Variants in ZNF503 observed in about 807,000 individuals in gnomAD.
ZNF503 encodes NocA-like zinc finger 2.
In ZNF503, 15 loss-of-function variants were observed where a neutral mutation model predicts 34.4. That is an observed-to-expected ratio of 0.44 (90% CI 0.29 to 0.67). The LOEUF is 0.67. Among genes scored for constraint, ZNF503 ranks in the 30% least tolerant of loss-of-function variants. ZNF503 has a pLI of 0.13. For missense variants in ZNF503, 1,007 were observed against 926.8 expected, an observed-to-expected ratio of 1.09 and a Z score of -1.12; for synonymous variants, 580 against 456.8, an observed-to-expected ratio of 1.27 and a Z score of -3.44.
At chr10:75,343,927 G>A in the ZNF503 span, among the ~76,000 whole-genome samples, 302 of 152,352 alleles carry the variant, frequency 2.0e-3, 1 homozygote, top group African/African-American at 6.8e-3. Context: ...GGCCTCCCAT[G>A]CAGGCAGACT....
rs1400388098 is a variant in ZNF503 at position 75,398,159 on chromosome 10, G to A, written c.*590C>T. The A allele has an allele frequency of 6.8e-6, 1 of 146,278 alleles. No homozygotes were observed. Among genetic ancestry groups the A allele is most frequent in the Non-Finnish European group, 1.5e-5 (1 of 66,732 alleles). The allele number at this position is 146,278 out of a possible 1,614,324, so 9.1% of individuals were successfully genotyped here. On this transcript the variant is annotated 3_prime_UTR_variant, in exon 2 of 2. Coordinates refer to ENST00000372524, the MANE Select transcript of ZNF503 (RefSeq NM_032772.6). ...TGTGACTTTTTTTTTCATTTTTTTT[G>A]TAACAAACATGCATGTAAATTTGTG...
chr10:75,367,270 C>T, the ZNF503 span, among the ~76,000 whole-genome samples: 1 of 152,190 alleles, frequency 6.6e-6, no homozygotes, highest in Non-Finnish European at 1.5e-5. Context: ...TCTGGCTTCT[C>T]TCTCACCAGC....
At chr10:75,325,333 T>A in the ZNF503 span, among the ~76,000 whole-genome samples, 1,923 of 142,752 alleles carry the variant, frequency 0.013, 32 homozygotes, top group African/African-American at 0.05. Context: ...ATATATATTT[T>A]TTTTTTTTTT....
At chr10:75,394,395 C>T (rs947865046), downstream of ZNF503, among the ~76,000 whole-genome samples, 1 of 152,186 alleles carries the variant, frequency 6.6e-6, no homozygotes, top group Non-Finnish European at 1.5e-5. Flanking sequence ...ACTCTAAGCA[C>T]CACCAGGCTG....
chr10:75,286,607 T>C, the ZNF503 span, among the ~76,000 whole-genome samples: 1 of 152,234 alleles, frequency 6.6e-6, no homozygotes, highest in Admixed American at 6.5e-5. Flanking sequence ...TAATGGATTG[T>C]ACCTGCTCGT....
At chr10:75,365,445 C>T in the ZNF503 span, among the ~76,000 whole-genome samples, 15 of 152,308 alleles carry the variant, frequency 9.8e-5, no homozygotes, top group African/African-American at 3.6e-4. Flanking sequence ...CGTGCCCGGC[C>T]CCACTTCAGT....
the ZNF503 span, among the ~76,000 whole-genome samples, chr10:75,355,338 T>A: frequency 5.9e-5 from 9 of 152,338 alleles, no homozygotes; most frequent in East Asian, 1.7e-3. Context: ...CAGATTGGAA[T>A]GGGTAATCGA....
At chr10:75,375,885 A>G in the ZNF503 span, among the ~76,000 whole-genome samples, 1 of 152,202 alleles carries the variant, frequency 6.6e-6, no homozygotes, top group Non-Finnish European at 1.5e-5. Context: ...TAACCTCACT[A>G]TCTGAAATGC....
chr10:75,297,733 G>A, the ZNF503 span, among the ~76,000 whole-genome samples: 2 of 152,130 alleles, frequency 1.3e-5, no homozygotes, highest in Non-Finnish European at 2.9e-5. Context: ...ATTGTGATAT[G>A]AAATACATAC....
At chr10:75,303,287 C>T in the ZNF503 span, among the ~76,000 whole-genome samples, 3 of 152,212 alleles carry the variant, frequency 2.0e-5, no homozygotes, top group East Asian at 5.8e-4. Flanking sequence ...AGAGAAACAA[C>T]TGCATGAGTC....
chr10:75,379,388 A>G, the ZNF503 span, among the ~76,000 whole-genome samples: 1 of 152,332 alleles, frequency 6.6e-6, no homozygotes, highest in South Asian at 2.1e-4. Context: ...TCGGATGGAT[A>G]ATAATGTCAT....
At chr10:75,389,695 A>G in the ZNF503 span, among the ~76,000 whole-genome samples, 2 of 152,130 alleles carry the variant, frequency 1.3e-5, no homozygotes, top group East Asian at 1.9e-4. Context: ...ATGCCACTGC[A>G]CTCCAGTCTG....
In ZNF503 at chr10:75,401,337, G is replaced by GCACCGCCGCCTCCGC. The variant is rs1181893902; in HGVS notation, c.68_82dup (p.Gly23_Gly27dup). On this transcript the variant is annotated inframe_insertion, in exon 1 of 2. Transcript: ENST00000372524. ...GAGCGCGCTGGTCCAGGCAGGGTCT[G>GCACCGCCGCCTCCGC]CACCGCCGCCTCCGCCTCCGCCGCC... The GCACCGCCGCCTCCGC allele has an allele frequency of 8.4e-6, 12 of 1,435,644 alleles. No individual in the cohort carries two copies. The Admixed American group carries it at 2.4e-4, about 29-fold the overall frequency. The allele number at this position is 1,435,644 out of a possible 1,614,324, so 88.9% of individuals were successfully genotyped here.
chr10:75,301,295 C>T, the ZNF503 span, among the ~76,000 whole-genome samples: 1 of 152,084 alleles, frequency 6.6e-6, no homozygotes, highest in Admixed American at 6.5e-5. Flanking sequence ...GGATGGAGTG[C>T]AGTGGTGTGA....
At chr10:75,313,533 A>G in the ZNF503 span, among the ~76,000 whole-genome samples, 11 of 152,160 alleles carry the variant, frequency 7.2e-5, no homozygotes, top group Non-Finnish European at 1.6e-4. Context: ...GATCAGCAAA[A>G]CTAAGTGGGT....
chr10:75,390,415 C>A, the ZNF503 span, among the ~76,000 whole-genome samples: 1 of 150,250 alleles, frequency 6.7e-6, no homozygotes, highest in Middle Eastern at 3.4e-3. Flanking sequence ...CTTCCTTTTT[C>A]TCCTCTTTCT....
chr10:75,399,954 C>G lies in ZNF503; in HGVS notation c.736G>C (p.Gly246Arg), dbSNP rs761609221. The G allele has an allele frequency of 1.9e-6, 3 of 1,606,324 alleles. No homozygotes were observed. Among genetic ancestry groups the G allele is most frequent in the South Asian group, 1.1e-5 (1 of 90,886 alleles). The change falls in exon 2 of 2, where the codon GGG (glycine) becomes CGG (arginine). Residue 246 changes from glycine (G) to arginine (R), a missense_variant. By Grantham distance (125) the Gly-to-Arg change is moderately radical. Transcript: ENST00000372524. Reference protein sequence around the residue: ...CSPGGMLSSAGGAPEGKDDKK... With the variant: ...CSPGGMLSSARGAPEGKDDKK... ...TCGTCCTTGCCCTCCGGGGCACCCC[C>G]GGCCGAGGACAGCATACCTCCCGGC...
Position 75,398,688 on chromosome 10 carries a change from C to T in ZNF503, c.*61G>A. The T allele has an allele frequency of 7.5e-7, 1 of 1,331,620 alleles. No homozygotes were observed. Among genetic ancestry groups the T allele is most frequent in the Non-Finnish European group, 9.6e-7 (1 of 1,043,964 alleles). 82.5% of individuals were successfully genotyped at this position (1,331,620 alleles called of 1,614,324 possible). ...AGCAGCCTGGGCCGTGATCCCGCCT[C>T]TCCCTGGACTCCTCCCCTCCCCCTC... is the stretch of plus-strand genomic sequence containing the variant. On this transcript the variant is annotated 3_prime_UTR_variant, in exon 2 of 2. Transcript: ENST00000372524.
the ZNF503 span, among the ~76,000 whole-genome samples, chr10:75,345,576 A>G: frequency 2.1e-5 from 3 of 146,032 alleles, no homozygotes; most frequent in African/African-American, 7.6e-5. Flanking sequence ...TGAAGGTTGC[A>G]GTGAACCAAG....
Sources: allele counts gnomAD v4.1 joint callset (sites outside exome capture counted in the v4.1 genomes callset), GRCh38; gene constraint gnomAD v4.1.1; transcripts MANE v1.5; gene names NCBI Gene and HGNC (gene_info 2026-07-23, HGNC 2026-07-21).